TLN2: variants seen among roughly 807,000 people sequenced by gnomAD.
TLN2 encodes the protein talin 2.
A neutral mutation model predicts 294.7 loss-of-function variants in TLN2; 118 were observed. That is an observed-to-expected ratio of 0.40 (90% CI 0.34 to 0.47). TLN2 has a LOEUF of 0.47. Among genes scored for constraint, TLN2 ranks in the 20% least tolerant of loss-of-function variants. The pLI, the probability that TLN2 is intolerant of heterozygous loss-of-function variation, is 0.84. For synonymous variants in TLN2, 1,431 were observed against 1,304.5 expected (o/e 1.10, Z -2.09); for missense variants, 3,083 against 3,282.2 (o/e 0.94, Z 1.48).
At chr15:62,646,832 T>C (rs2051920721) in intron 3 of TLN2, among the ~76,000 whole-genome samples, 2 of 152,168 alleles carry the variant, frequency 1.3e-5, no homozygotes, top group African/African-American at 4.8e-5. Context: ...CCCTGATTCT[T>C]CTCTGTCCCC....
Position 62,754,215 on chromosome 15 carries a change from G to A in TLN2, c.4476+299G>A, listed in dbSNP as rs1021543815. On this transcript the variant is annotated intron_variant, in intron 36 of 58. Transcript: ENST00000636159. ...GGGACGTGAATTGAGGGCTTGTTCT[G>A]TGCTTAGCTGTAAGGGTTCAATGTG... 2.0e-5 allele frequency: 5 copies of A among 247,794 alleles called. 1 individual carries two copies. The South Asian group carries it at 2.9e-4, about 14-fold the overall frequency. 15.3% of individuals were successfully genotyped at this position (247,794 alleles called of 1,614,324 possible). A position where few individuals can be genotyped will look rare whatever the true frequency, so the allele number is the denominator to read the frequency against.
chr15:62,574,718 A>G (rs1314581476), intron 1 of TLN2, among the ~76,000 whole-genome samples: 2 of 150,186 alleles, frequency 1.3e-5, no homozygotes, highest in Non-Finnish European at 1.5e-5. Flanking sequence ...GTTTGCATAA[A>G]TTTTTCTATT....
At chr15:62,800,275 C>G (rs953784072) in intron 48 of TLN2, 93 bp from the exon 49 acceptor site, 44 of 1,534,234 alleles carry the variant, frequency 2.9e-5, no homozygotes, top group African/African-American at 6.9e-5. Flanking sequence ...TCTCCTCCCC[C>G]GTGCCCTGGC....
chr15:62,521,058 A>G (rs2040432931), intron 1 of TLN2, among the ~76,000 whole-genome samples: 2 of 152,182 alleles, frequency 1.3e-5, no homozygotes, highest in South Asian at 4.1e-4. Flanking sequence ...TTACAGTGTC[A>G]TTCCTTTGTC....
At chr15:62,691,152 G>A (rs2057873318) in intron 12 of TLN2, among the ~76,000 whole-genome samples, 1 of 152,040 alleles carries the variant, frequency 6.6e-6, no homozygotes, top group Non-Finnish European at 1.5e-5. Context: ...ACTAATTTGG[G>A]GAAGTTTTCA....
At chr15:62,621,252 A>G (rs560830531) in intron 3 of TLN2, among the ~76,000 whole-genome samples, 5 of 152,326 alleles carry the variant, frequency 3.3e-5, no homozygotes, top group East Asian at 1.9e-4. Flanking sequence ...TAGAGCATCA[A>G]CAAAGTTGAA....
At chr15:62,638,720 T>C (rs1447818271) in intron 3 of TLN2, 30 of 432,286 alleles carry the variant, frequency 6.9e-5, no homozygotes, top group East Asian at 7.0e-5. Context: ...AATGCTGACT[T>C]CTCCCCACCC....
rs2070761842 is a variant in TLN2 at position 62,842,026 on chromosome 15, G to A, written c.*1416G>A. 1 of 151,782 alleles carries A rather than the reference G, an allele frequency of 6.6e-6. No homozygotes were observed. The highest frequency in any genetic ancestry group is 2.4e-5 in the African/African-American group (1 of 41,256). The allele number at this position is 151,782 out of a possible 1,614,324, so 9.4% of individuals were successfully genotyped here. ...TGTCTTGGACTCCATCCACACTATA[G>A]TTTCAAAGTTCCACTGACGGGGGAA... On this transcript the variant is annotated 3_prime_UTR_variant, in exon 59 of 59. Transcript: ENST00000636159.
At chr15:62,808,435 T>C (rs28583704) in intron 51 of TLN2, among the ~76,000 whole-genome samples, 19,222 of 152,232 alleles carry the variant, frequency 0.13, 1,383 homozygotes, top group South Asian at 0.21. Context: ...TTTGGGCATA[T>C]CTGTTTTTTT....
At chr15:62,623,080 T>C (rs1458808096) in intron 3 of TLN2, among the ~76,000 whole-genome samples, 1 of 152,230 alleles carries the variant, frequency 6.6e-6, no homozygotes, top group Non-Finnish European at 1.5e-5. Context: ...GTGGATTTAC[T>C]TTGCTTAATA....
At chr15:62,750,175 T>A (rs759720577) in intron 33 of TLN2, among the ~76,000 whole-genome samples, 2 of 152,222 alleles carry the variant, frequency 1.3e-5, no homozygotes, top group Non-Finnish European at 1.5e-5. Context: ...GAGATTCTCA[T>A]CTCTGGCCAA....
intron 7 of TLN2, 73 bp from the exon 8 acceptor site, chr15:62,655,871 C>T: frequency 6.5e-7 from 1 of 1,550,106 alleles, no homozygotes. Flanking sequence ...CATCACACTG[C>T]TCTTTTGGTA....
Position 62,800,647 on chromosome 15 carries a change from A to G in TLN2, c.6361-6A>G, listed in dbSNP as rs113727714. 3.4e-4 allele frequency: 555 copies of G among 1,614,026 alleles called. 5 individuals carry two copies. In the African/African-American group the frequency reaches 6.5e-3, roughly 19 times the overall value. On this transcript the variant is annotated splice_polypyrimidine_tract_variant and splice_region_variant and intron_variant, in intron 49 of 58. Coordinates refer to ENST00000636159, the MANE Select transcript of TLN2 (RefSeq NM_015059.3). ...CTATCTGTATTCATTCTCCCTTCCT[A>G]TGCAGGTGATGGTGACCAATGTCAC... is the stretch of plus-strand genomic sequence containing the variant.
chr15:62,573,947 C>A (rs754690496), intron 1 of TLN2, among the ~76,000 whole-genome samples: 1 of 152,092 alleles, frequency 6.6e-6, no homozygotes, highest in Non-Finnish European at 1.5e-5. Flanking sequence ...CCGCCTGACT[C>A]CCTGCACATG....
chr15:62,692,545 G>A (rs987052582), intron 12 of TLN2, among the ~76,000 whole-genome samples: 2 of 152,088 alleles, frequency 1.3e-5, no homozygotes, highest in South Asian at 4.2e-4. Context: ...CAATGTTCAG[G>A]CCTCTACAAC....
At chr15:62,556,443 A>G (rs1407911357) in intron 1 of TLN2, among the ~76,000 whole-genome samples, 5 of 151,608 alleles carry the variant, frequency 3.3e-5, no homozygotes, top group Non-Finnish European at 7.4e-5. Flanking sequence ...GGTAGCTGGG[A>G]CTACAGGTGC....
In TLN2 at chr15:62,796,313, G is replaced by C; in HGVS notation, c.6050+20G>C. ...CCACAGGTACGTGGGGGTCCTGGAC[G>C]GGGAGAGGTTCAGGCTGGCCTGCCC... On this transcript the variant is annotated intron_variant, in intron 47 of 58. Coordinates refer to ENST00000636159, the MANE Select transcript of TLN2 (RefSeq NM_015059.3). 5.6e-6 allele frequency: 9 copies of C among 1,604,296 alleles called. No homozygotes were observed. The highest frequency in any genetic ancestry group is 7.7e-6 in the Non-Finnish European group (9 of 1,175,332).
intron 1 of TLN2, among the ~76,000 whole-genome samples, chr15:62,513,593 C>A (rs186073995): frequency 1.4e-4 from 21 of 152,172 alleles, no homozygotes; most frequent in African/African-American, 4.8e-4. Flanking sequence ...AGTCACTTAA[C>A]CTCCAGTTAC....
intron 23 of TLN2, 36 bp from the exon 24 acceptor site, chr15:62,717,540 T>A (rs773099912): frequency 7.0e-7 from 1 of 1,424,182 alleles, no homozygotes; most frequent in Non-Finnish European, 9.4e-7. Flanking sequence ...GTATATTGCA[T>A]ATGCAGATCC....
Sources: gnomAD v4.1 joint callset for allele counts (sites outside exome capture counted in the v4.1 genomes callset) on GRCh38, gnomAD v4.1.1 for gene constraint, MANE v1.5 for transcripts, NCBI Gene and HGNC (gene_info 2026-07-23, HGNC 2026-07-21) for gene names.